STARD13: variants seen among roughly 807,000 people sequenced by gnomAD.
STARD13 encodes the protein StAR related lipid transfer domain containing 13, also known as stAR-related lipid transfer protein 13.
A neutral mutation model predicts 106.4 loss-of-function variants in STARD13; 62 were observed. The observed-to-expected ratio is 0.58, with a 90% confidence interval of 0.48 to 0.72. The LOEUF is 0.72. Ranked by LOEUF, STARD13 falls within the 30% of genes least tolerant of loss-of-function variation. STARD13 has a pLI of 0.00. For missense variants in STARD13, 1,387 were observed against 1,424.0 expected (o/e 0.97, Z 0.42); for synonymous variants, 565 against 553.0 (o/e 1.02, Z -0.31).
intron 1 of STARD13, among the ~76,000 whole-genome samples, chr13:33,245,725 C>G (rs540349838): frequency 1.3e-5 from 2 of 152,312 alleles, no homozygotes; most frequent in Admixed American, 1.3e-4. Context: ...GATCTAATTT[C>G]TGTGCAGCCA....
Position 33,129,808 on chromosome 13 carries a change from A to T in STARD13, c.869T>A (p.Met290Lys). Residue 290 changes from methionine (M) to lysine (K), a missense_variant, in exon 5 of 14, where the codon ATG (methionine) becomes AAG (lysine). Coordinates refer to ENST00000336934, the MANE Select transcript of STARD13 (RefSeq NM_178006.4). ...AAAGGACTCTGGCTCCTGCTGCAAC[A>T]TGGGCCCACTGATCACCAGGCCACC... ...RTGGLVISGP[M>K]LQQEPESFKA... is the part of the protein sequence containing the mutation. 6.2e-7 allele frequency: 1 copy of T among 1,613,564 alleles called. No homozygotes were observed. The highest frequency in any genetic ancestry group is 1.6e-4 in the Middle Eastern group (1 of 6,062).
At chr13:33,255,212 CA>C (rs1404047739) in intron 1 of STARD13, among the ~76,000 whole-genome samples, 1 of 152,010 alleles carries the variant, frequency 6.6e-6, no homozygotes, top group African/African-American at 2.4e-5. Flanking sequence ...GTGAATACAA[CA>C]AAGTTGAAAG....
At chr13:33,584,345 G>A in the STARD13 span, among the ~76,000 whole-genome samples, 2 of 152,126 alleles carry the variant, frequency 1.3e-5, no homozygotes, top group Admixed American at 6.5e-5. Context: ...ATGGCGGAAG[G>A]CAAAGGAGGT....
chr13:33,286,210 G>C (rs1464526443), upstream of STARD13, among the ~76,000 whole-genome samples: 2 of 152,068 alleles, frequency 1.3e-5, no homozygotes, highest in Non-Finnish European at 2.9e-5. Flanking sequence ...ACAGCTGAGC[G>C]TAAGCCACCA....
At chr13:33,361,182 C>T in the STARD13 span, among the ~76,000 whole-genome samples, 7 of 151,424 alleles carry the variant, frequency 4.6e-5, no homozygotes, top group South Asian at 6.4e-4. Context: ...CTCTGCCCTC[C>T]GAGACAGCAA....
At chr13:33,212,440 G>T (rs1887776939) in intron 1 of STARD13, among the ~76,000 whole-genome samples, 1 of 152,160 alleles carries the variant, frequency 6.6e-6, no homozygotes, top group Non-Finnish European at 1.5e-5. Flanking sequence ...TACAGCAATA[G>T]AAATGTCAAC....
At chr13:33,171,019 C>G (rs1883896523) in intron 1 of STARD13, among the ~76,000 whole-genome samples, 1 of 152,086 alleles carries the variant, frequency 6.6e-6, no homozygotes, top group African/African-American at 2.4e-5. Context: ...GACTGGAGAA[C>G]TAAAAAGGAA....
At position 33,240,396 on chromosome 13, in the gene STARD13, A is replaced by AT. The variant is rs1889412562; in HGVS notation, c.169+45073dup. On this transcript the variant is annotated intron_variant, in intron 1 of 13. Transcript: ENST00000336934. Reference sequence around the variant, plus strand: ...TTTGAGATCCCACATCCATTTTAGAATTTTTTCTACTTCTGCAAAATAAAA... The same window carrying AT: ...TTTGAGATCCCACATCCATTTTAGAATTTTTTTCTACTTCTGCAAAATAAAA... Among the ~76,000 whole-genome samples the AT allele has an allele frequency of 1.3e-5, 2 of 151,820 alleles. 1 individual carries two copies. The highest frequency in any genetic ancestry group is 4.2e-4 in the South Asian group (2 of 4,816).
exon 2 of STARD13, chr13:33,349,083 G>T (rs1205434667): frequency 2.9e-6 from 2 of 701,488 alleles, no homozygotes; most frequent in African/African-American, 1.7e-5. Flanking sequence ...AAGGAAAAAA[G>T]GGAGGAGTTC....
chr13:33,425,075 T>A, the STARD13 span, among the ~76,000 whole-genome samples: 12 of 152,230 alleles, frequency 7.9e-5, no homozygotes, highest in African/African-American at 2.9e-4. Context: ...TTCAATCTAA[T>A]GAAAACTCTG....
At chr13:33,478,921 A>G in the STARD13 span, among the ~76,000 whole-genome samples, 1 of 152,232 alleles carries the variant, frequency 6.6e-6, no homozygotes, top group Admixed American at 6.5e-5. Flanking sequence ...GTCTCAAATA[A>G]TAATAACAAT....
chr13:33,360,288 C>G, the STARD13 span, among the ~76,000 whole-genome samples: 5 of 152,092 alleles, frequency 3.3e-5, no homozygotes, highest in South Asian at 6.2e-4. Flanking sequence ...CACTGCAAAC[C>G]CCGCCTCCCA....
the STARD13 span, among the ~76,000 whole-genome samples, chr13:33,655,746 G>A: frequency 6.6e-6 from 1 of 152,156 alleles, no homozygotes; most frequent in African/African-American, 2.4e-5. Flanking sequence ...ATCGATGAAT[G>A]AATTCACAAA....
chr13:33,386,021 TTCA>T, the STARD13 span, among the ~76,000 whole-genome samples: 2 of 152,212 alleles, frequency 1.3e-5, no homozygotes, highest in African/African-American at 4.8e-5. Flanking sequence ...TCATTATTTA[TTCA>T]TCAGGTATGT....
intron 1 of STARD13, among the ~76,000 whole-genome samples, chr13:33,210,549 C>T (rs1002186242): frequency 6.6e-6 from 1 of 152,152 alleles, no homozygotes; most frequent in Non-Finnish European, 1.5e-5. Context: ...TGCCACAGAG[C>T]TTAGCATAAG....
the STARD13 span, among the ~76,000 whole-genome samples, chr13:33,424,821 G>C: frequency 3.3e-5 from 5 of 152,148 alleles, no homozygotes; most frequent in African/African-American, 9.7e-5. Context: ...TAACTTATTA[G>C]GCAGCTCAAC....
the STARD13 span, among the ~76,000 whole-genome samples, chr13:33,443,504 A>G: frequency 6.6e-6 from 1 of 151,632 alleles, no homozygotes; most frequent in African/African-American, 2.4e-5. Context: ...AACCCCGTAT[A>G]TTGAACCTCC....
At chr13:33,452,140 T>C in the STARD13 span, among the ~76,000 whole-genome samples, 12 of 152,068 alleles carry the variant, frequency 7.9e-5, no homozygotes, top group East Asian at 1.2e-3. Flanking sequence ...AGAACACAGG[T>C]GCAAATACAA....
chr13:33,226,355 A>G (rs1888624084), intron 1 of STARD13, among the ~76,000 whole-genome samples: 1 of 152,128 alleles, frequency 6.6e-6, no homozygotes, highest in Non-Finnish European at 1.5e-5. Flanking sequence ...ATAAAAGTAC[A>G]GGAAGTCTTT....
Sources: gnomAD v4.1 joint callset for allele counts (sites outside exome capture counted in the v4.1 genomes callset) on GRCh38, gnomAD v4.1.1 for gene constraint, MANE v1.5 for transcripts, NCBI Gene and HGNC (gene_info 2026-07-23, HGNC 2026-07-21) for gene names.